The following PAIP2B variants were observed in gnomAD, a reference collection of about 807,000 sequenced individuals.
The protein encoded by PAIP2B is polyadenylate-binding protein-interacting protein 2B.
PAIP2B carries 13 observed loss-of-function variants against 17.0 expected under a neutral mutation model. The ratio of observed to expected loss-of-function variants is 0.76; its 90% CI spans 0.50 to 1.22. The LOEUF (loss-of-function observed/expected upper bound fraction) is 1.22. Among genes scored for constraint, PAIP2B ranks in the 50% most tolerant of loss-of-function variants. The probability of loss-of-function intolerance (pLI) is 0.00; values close to 1 mark genes in which losing one functional copy is unlikely to be tolerated. For synonymous variants in PAIP2B, 43 were observed against 48.7 expected (o/e 0.88, Z 0.48); for missense variants, 117 against 144.5 (o/e 0.81, Z 0.98).
At chr2:71,197,443 A>C (rs1674850435) in intron 2 of PAIP2B, among the ~76,000 whole-genome samples, 1 of 152,074 alleles carries the variant, frequency 6.6e-6, no homozygotes, top group South Asian at 2.1e-4. Context: ...AGCTGTCTTT[A>C]ATATTCTTTC....
chr2:71,190,257 CA>C (rs1377353203), intron 2 of PAIP2B, among the ~76,000 whole-genome samples: 3 of 151,528 alleles, frequency 2.0e-5, no homozygotes, highest in Non-Finnish European at 2.9e-5. Context: ...CCTGCCTCTA[CA>C]AAAAAAATTT....
intron 3 of PAIP2B, 114 bp downstream of exon 3, chr2:71,189,731 C>T (rs1572919270): frequency 6.0e-6 from 6 of 1,003,066 alleles, no homozygotes; most frequent in East Asian, 5.6e-5. Flanking sequence ...AAAGAAACAA[C>T]AGCTCACAGG....
chr2:71,189,722 A>G, intron 3 of PAIP2B, 123 bp downstream of exon 3: 1 of 930,978 alleles, frequency 1.1e-6, no homozygotes, highest in South Asian at 2.1e-5. Context: ...AAAACGAGCA[A>G]AGAAACAACA....
chr2:71,197,309 A>AT (rs757877241), intron 2 of PAIP2B, among the ~76,000 whole-genome samples: 36 of 152,198 alleles, frequency 2.4e-4, no homozygotes, highest in Non-Finnish European at 5.1e-4. Context: ...TTGGTTGAAG[A>AT]TTTTTTTACT....
intron 2 of PAIP2B, among the ~76,000 whole-genome samples, chr2:71,199,549 T>G (rs1674922216): frequency 6.6e-6 from 1 of 151,404 alleles, no homozygotes; most frequent in Admixed American, 6.6e-5. Context: ...TCCCTTTTTT[T>G]CCCCCTTAAC....
At chr2:71,210,605 T>C (rs1260161751) in intron 1 of PAIP2B, among the ~76,000 whole-genome samples, 2 of 152,188 alleles carry the variant, frequency 1.3e-5, no homozygotes, top group Non-Finnish European at 2.9e-5. Flanking sequence ...AAAAACATAT[T>C]AGTTGACAAG....
chr2:71,210,283 T>C (rs1675262572), intron 1 of PAIP2B, among the ~76,000 whole-genome samples: 1 of 152,220 alleles, frequency 6.6e-6, no homozygotes, highest in African/African-American at 2.4e-5. Flanking sequence ...GTAGTTCAGC[T>C]TTAGGTGGGG....
intron 1 of PAIP2B, among the ~76,000 whole-genome samples, chr2:71,205,693 T>A (rs901961424): frequency 3.9e-5 from 6 of 152,214 alleles, no homozygotes; most frequent in African/African-American, 1.4e-4. Flanking sequence ...TCACTGTGTT[T>A]CTCTAGTCAT....
intron 1 of PAIP2B, among the ~76,000 whole-genome samples, chr2:71,207,813 T>A (rs1482463804): frequency 6.6e-6 from 1 of 152,166 alleles, no homozygotes; most frequent in African/African-American, 2.4e-5. Flanking sequence ...TGTCATTCAC[T>A]GAGCTAAGGA....
intron 1 of PAIP2B, among the ~76,000 whole-genome samples, chr2:71,216,850 A>G (rs1675441911): frequency 6.6e-6 from 1 of 152,228 alleles, no homozygotes; most frequent in Admixed American, 6.5e-5. Context: ...AAAGACATAT[A>G]TCTCCTTTCT....
intron 2 of PAIP2B, among the ~76,000 whole-genome samples, chr2:71,193,053 C>T (rs756278313): frequency 6.6e-6 from 1 of 152,216 alleles, no homozygotes; most frequent in African/African-American, 2.4e-5. Context: ...CTCCTACCAA[C>T]ATTGTATAAG....
chr2:71,189,991 A>G lies in PAIP2B; in HGVS notation c.169T>C (p.Leu57=). Residue 57 remains leucine (L), a synonymous_variant, in exon 3 of 4, where the codon TTG becomes CTG. Transcript: ENST00000244221. The part of the protein sequence containing the change: ...VEEELQEQDF[L]DRCFQEMLDE... The stretch of plus-strand genomic sequence containing the variant: ...AGCATCTCTTGGAAGCAGCGGTCCA[A>G]GAAGTCTTGCTCCTGCAGTTCCTCC... 6.2e-7 allele frequency: 1 copy of G among 1,612,688 alleles called. No homozygotes were observed. The highest frequency in any genetic ancestry group is 8.5e-7 in the Non-Finnish European group (1 of 1,179,458).
At chr2:71,194,983 A>C (rs1674781101) in intron 2 of PAIP2B, among the ~76,000 whole-genome samples, 1 of 152,228 alleles carries the variant, frequency 6.6e-6, no homozygotes, top group Non-Finnish European at 1.5e-5. Context: ...CTATTGAGAT[A>C]ATCATGTGGC....
chr2:71,224,414 T>C (rs1675669634), intron 1 of PAIP2B, among the ~76,000 whole-genome samples: 1 of 152,182 alleles, frequency 6.6e-6, no homozygotes, highest in African/African-American at 2.4e-5. Context: ...TTATAGAATA[T>C]AACTACTGCA....
chr2:71,198,317 G>C (rs867241879), intron 2 of PAIP2B, among the ~76,000 whole-genome samples: 2 of 140,164 alleles, frequency 1.4e-5, no homozygotes, highest in African/African-American at 5.4e-5. Context: ...ACAGAGTCTC[G>C]CTCTGTCGCC....
chr2:71,208,219 T>C (rs1488155248), intron 1 of PAIP2B, among the ~76,000 whole-genome samples: 2 of 151,718 alleles, frequency 1.3e-5, no homozygotes, highest in Middle Eastern at 3.2e-3. Flanking sequence ...AGGTCAGGAG[T>C]TCGAGACCAG....
Position 71,224,232 on chromosome 2 carries a change from C to T in PAIP2B, c.-12+2696G>A, listed in dbSNP as rs868261362. Among the ~76,000 whole-genome samples, 8 of 152,268 alleles carry T rather than the reference C, an allele frequency of 5.3e-5. No homozygotes were observed. In the Middle Eastern group the frequency reaches 0.01, roughly 194 times the overall value. Reference sequence around the variant, plus strand: ...GTTAGTAGAGAGGCCTCAGGCAAATCGCTTAACACTTCTGTACTTCCTTTA... The same window carrying T: ...GTTAGTAGAGAGGCCTCAGGCAAATTGCTTAACACTTCTGTACTTCCTTTA... On this transcript the variant is annotated intron_variant, in intron 1 of 3. Coordinates refer to ENST00000244221, the MANE Select transcript of PAIP2B (RefSeq NM_020459.1).
At chr2:71,226,544 G>A (rs1282337605) in intron 1 of PAIP2B, among the ~76,000 whole-genome samples, 1 of 152,112 alleles carries the variant, frequency 6.6e-6, no homozygotes, top group Non-Finnish European at 1.5e-5. Context: ...ATGCCGCGCG[G>A]GTCAATTTGC....
intron 2 of PAIP2B, 72 bp from the exon 3 acceptor site, chr2:71,190,093 C>A: frequency 1.4e-6 from 2 of 1,414,094 alleles, no homozygotes; most frequent in Non-Finnish European, 9.6e-7. Flanking sequence ...TTTCCTCCAC[C>A]TCTTTCCTTC....
Sources: allele counts gnomAD v4.1 joint callset (sites outside exome capture counted in the v4.1 genomes callset), GRCh38; gene constraint gnomAD v4.1.1; transcripts MANE v1.5; gene names NCBI Gene and HGNC (gene_info 2026-07-23, HGNC 2026-07-21).